The following LRMDA variants were observed in gnomAD, a reference collection of about 807,000 sequenced individuals.
The protein encoded by LRMDA is leucine rich melanocyte differentiation associated.
In LRMDA, 18 loss-of-function variants were observed where a neutral mutation model predicts 29.8. That is an observed-to-expected ratio of 0.60 (90% CI 0.42 to 0.90). The LOEUF (loss-of-function observed/expected upper bound fraction) is 0.90. Ranked by LOEUF, LRMDA falls within the 40% of genes least tolerant of loss-of-function variation. The probability of loss-of-function intolerance (pLI) is 0.00; values close to 1 mark genes in which losing one functional copy is unlikely to be tolerated. For synonymous variants in LRMDA, 125 were observed against 109.4 expected, an observed-to-expected ratio of 1.14 and a Z score of -0.89; for missense variants, 273 against 273.9, an observed-to-expected ratio of 1.00 and a Z score of 0.02.
chr10:76,413,364 C>T (rs1841982723), intron 6 of LRMDA, among the ~76,000 whole-genome samples: 1 of 152,136 alleles, frequency 6.6e-6, no homozygotes, highest in African/African-American at 2.4e-5. Flanking sequence ...TTAATGGAGT[C>T]ACCGTTCTAC....
chr10:76,495,525 T>A (rs2132339413), intron 6 of LRMDA, among the ~76,000 whole-genome samples: 1 of 152,004 alleles, frequency 6.6e-6, no homozygotes, highest in East Asian at 1.9e-4. Flanking sequence ...AAGAATCTTA[T>A]TGACAATTTG....
chr10:76,045,879 A>G (rs1320070728), intron 3 of LRMDA, among the ~76,000 whole-genome samples: 1 of 152,166 alleles, frequency 6.6e-6, no homozygotes, highest in Non-Finnish European at 1.5e-5. Context: ...TTTTGAATTC[A>G]TTCTTTTGTG....
At chr10:76,154,720 T>G (rs921197452) in intron 5 of LRMDA, among the ~76,000 whole-genome samples, 3 of 152,220 alleles carry the variant, frequency 2.0e-5, no homozygotes, top group African/African-American at 7.2e-5. Context: ...TATTTGGGAT[T>G]AACATTCAGC....
At chr10:75,808,365 T>A (rs1292557852) in intron 2 of LRMDA, among the ~76,000 whole-genome samples, 1 of 152,252 alleles carries the variant, frequency 6.6e-6, no homozygotes, top group Non-Finnish European at 1.5e-5. Context: ...CTCGTGCATC[T>A]GTATAATATG....
chr10:75,437,125 TAGG>T (rs1372549972), intron 1 of LRMDA, among the ~76,000 whole-genome samples: 3 of 152,318 alleles, frequency 2.0e-5, no homozygotes, highest in East Asian at 3.9e-4. Flanking sequence ...CCTCATTGGA[TAGG>T]AGAAGGTTGA....
At chr10:76,238,392 A>G (rs769804999) in intron 5 of LRMDA, among the ~76,000 whole-genome samples, 46 of 152,128 alleles carry the variant, frequency 3.0e-4, no homozygotes, top group Non-Finnish European at 2.9e-4. Context: ...CAGAGCCACG[A>G]ATTTAACTGA....
At chr10:75,964,796 C>T (rs1846828304) in intron 2 of LRMDA, among the ~76,000 whole-genome samples, 1 of 152,162 alleles carries the variant, frequency 6.6e-6, no homozygotes, top group African/African-American at 2.4e-5. Flanking sequence ...GAGATGGGGT[C>T]TCACTCTGTC....
chr10:75,904,876 G>C (rs1227529665), intron 2 of LRMDA, among the ~76,000 whole-genome samples: 3 of 152,156 alleles, frequency 2.0e-5, no homozygotes, highest in Non-Finnish European at 2.9e-5. Context: ...AGTCTTGAAA[G>C]TTCGATTATT....
chr10:75,630,742 G>T (rs1233388178), intron 2 of LRMDA, among the ~76,000 whole-genome samples: 1 of 152,178 alleles, frequency 6.6e-6, no homozygotes, highest in African/African-American at 2.4e-5. Context: ...TTAATGATTG[G>T]CAGTCTTCTC....
At chr10:75,790,733 T>G (rs188923389) in intron 2 of LRMDA, among the ~76,000 whole-genome samples, 75 of 152,316 alleles carry the variant, frequency 4.9e-4, no homozygotes, top group African/African-American at 1.8e-3. Flanking sequence ...ACCAGTCTAT[T>G]CCCCAGTGGA....
chr10:75,537,995 C>T (rs1288549003), intron 2 of LRMDA, among the ~76,000 whole-genome samples: 1 of 152,182 alleles, frequency 6.6e-6, no homozygotes, highest in Non-Finnish European at 1.5e-5. Context: ...GCTCTTCTCT[C>T]TGTCCTCTTT....
Position 76,212,452 on chromosome 10 carries a change from C to CT in LRMDA, c.517-111941dup, listed in dbSNP as rs970616200. On this transcript the variant is annotated intron_variant, in intron 5 of 6. Coordinates refer to ENST00000611255, the MANE Select transcript of LRMDA (RefSeq NM_001305581.2). ...TTATTGCTTCTACTCCTGGGCCTCC[C>CT]TTTTTTTTGGAAGGAAGTGTCTGCC... is the stretch of plus-strand genomic sequence containing the variant. Among the ~76,000 whole-genome samples the CT allele has an allele frequency of 9.2e-5, 14 of 151,770 alleles. No individual in the cohort carries two copies. The East Asian group carries it at 2.1e-3, about 23-fold the overall frequency.
In LRMDA at chr10:76,063,199, G is replaced by A. The variant is rs78784545; in HGVS notation, c.516+4416G>A. Among the ~76,000 whole-genome samples the A allele has an allele frequency of 7.0e-3, 1,070 of 152,292 alleles. 14 individuals are homozygous for A. Among genetic ancestry groups the A allele is most frequent in the African/African-American group, 0.024 (1,017 of 41,548 alleles). ...GGGCAACTCTAGAAAGTGTTTTGAC[G>A]CTTATGTTTTGCTTGCATTAATATC... On this transcript the variant is annotated intron_variant, in intron 5 of 6. Transcript: ENST00000611255.
chr10:75,681,461 C>T (rs575706540), intron 2 of LRMDA, among the ~76,000 whole-genome samples: 3 of 152,242 alleles, frequency 2.0e-5, no homozygotes, highest in Admixed American at 6.5e-5. Flanking sequence ...TCATCTAGGC[C>T]GGGTGGCTCT....
chr10:76,136,085 GTTAAA>G (rs1850089386), intron 5 of LRMDA, among the ~76,000 whole-genome samples: 1 of 152,132 alleles, frequency 6.6e-6, no homozygotes, highest in Non-Finnish European at 1.5e-5. Context: ...ATAAATATTT[GTTAAA>G]TTAATGAATG....
rs1842573227 is a variant in LRMDA at position 76,467,219 on chromosome 10, G to C, written c.602-89990G>C. On this transcript the variant is annotated intron_variant, in intron 6 of 6. Transcript: ENST00000611255. ...GTGGCTTCTTCTGTCCTGTAGTACA[G>C]TAGGGTGAGATTACAATGTACTAGA... is the stretch of plus-strand genomic sequence containing the variant. Among the ~76,000 whole-genome samples, 3 of 152,198 alleles carry C rather than the reference G, an allele frequency of 2.0e-5. No homozygotes were observed. The South Asian group carries it at 6.2e-4, about 32-fold the overall frequency.
chr10:75,995,622 T>C (rs555035829), intron 2 of LRMDA, among the ~76,000 whole-genome samples: 1 of 152,372 alleles, frequency 6.6e-6, no homozygotes, highest in African/African-American at 2.4e-5. Context: ...TCTAGGCTTA[T>C]ATAGCTGGGA....
intron 6 of LRMDA, among the ~76,000 whole-genome samples, chr10:76,438,157 G>C (rs781121699): frequency 9.9e-5 from 15 of 152,184 alleles, no homozygotes; most frequent in Non-Finnish European, 1.9e-4. Flanking sequence ...GTAGAAGGAA[G>C]AATCTCATTG....
At chr10:75,675,659 A>G (rs1165742262) in intron 2 of LRMDA, among the ~76,000 whole-genome samples, 3 of 152,120 alleles carry the variant, frequency 2.0e-5, no homozygotes, top group Non-Finnish European at 4.4e-5. Context: ...GGGCTGCAGT[A>G]GACCTGATTA....
Sources: gnomAD v4.1 joint callset for allele counts (sites outside exome capture counted in the v4.1 genomes callset) on GRCh38, gnomAD v4.1.1 for gene constraint, MANE v1.5 for transcripts, NCBI Gene and HGNC (gene_info 2026-07-23, HGNC 2026-07-21) for gene names.